The following DZANK1 variants were observed in gnomAD, a reference collection of about 807,000 sequenced individuals.
DZANK1 encodes double zinc ribbon and ankyrin repeat domains 1.
In DZANK1, 91 loss-of-function variants were observed where a neutral mutation model predicts 94.5. That is an observed-to-expected ratio of 0.96 (90% confidence interval 0.81 to 1.15). DZANK1 has a LOEUF of 1.15. Ranked by LOEUF, DZANK1 falls within the 50% of genes most tolerant of loss-of-function variation. DZANK1 has a pLI of 0.00. For synonymous variants in DZANK1, 312 were observed against 325.3 expected (o/e 0.96, Z 0.44); for missense variants, 903 against 916.4 (o/e 0.99, Z 0.19).
chr20:18,426,741 G>C (rs2058061762), intron 10 of DZANK1, among the ~76,000 whole-genome samples: 1 of 152,170 alleles, frequency 6.6e-6, no homozygotes, highest in Non-Finnish European at 1.5e-5. Context: ...GGAAGGTGGA[G>C]GGGATGACAA....
In DZANK1 at chr20:18,410,951, AAAAG is replaced by A. The variant is rs775048363; in HGVS notation, c.1432+1691_1432+1694del. ...GGGTGACAAAGTGAGATCCTATCTCAAAAGAAAGAAAGAAAGAAAATGAAGGTAC... is the reference window on the plus strand; with the variant it reads ...GGGTGACAAAGTGAGATCCTATCTCAAAAGAAAGAAAGAAAATGAAGGTAC... On this transcript the variant is annotated intron_variant, in intron 13 of 20. Coordinates refer to ENST00000262547, the Ensembl canonical transcript of DZANK1. Among the ~76,000 whole-genome samples, 6 of 152,156 alleles carry A rather than the reference AAAAG, an allele frequency of 3.9e-5. No homozygotes were observed. In the South Asian group the frequency reaches 1.0e-3, roughly 26 times the overall value.
At position 18,452,662 on chromosome 20, in the gene DZANK1, C is replaced by G. The variant is rs774909060; in HGVS notation, c.496G>C (p.Ala166Pro). 14 of 1,606,226 alleles carry G rather than the reference C, an allele frequency of 8.7e-6. No homozygotes were observed. In the Admixed American group the frequency reaches 2.4e-4, roughly 27 times the overall value. Residue 166 changes from alanine (A) to proline (P), a missense_variant, in exon 6 of 21, where the codon GCT becomes CCT. By Grantham distance (27) the Ala-to-Pro change is conservative (BLOSUM62 -1). Transcript: ENST00000262547. ...CTAGAACCTGATCCTCCACCATAAG[C>G]TGGGATTTCCAATGGACTCTCTGAA... is the stretch of plus-strand genomic sequence containing the variant.
intron 14 of DZANK1, among the ~76,000 whole-genome samples, chr20:18,397,733 G>A (rs1323742670): frequency 2.0e-5 from 3 of 152,144 alleles, no homozygotes; most frequent in African/African-American, 7.2e-5. Context: ...TCTGGGGGCG[G>A]GAATCATCTA....
At chr20:18,458,223 A>T (rs974631850) in intron 3 of DZANK1, among the ~76,000 whole-genome samples, 2 of 152,208 alleles carry the variant, frequency 1.3e-5, no homozygotes, top group African/African-American at 4.8e-5. Flanking sequence ...TATATTTCTT[A>T]AAATTTTTGA....
intron 8 of DZANK1, among the ~76,000 whole-genome samples, chr20:18,434,158 G>A (rs976090127): frequency 2.0e-5 from 3 of 151,376 alleles, no homozygotes; most frequent in African/African-American, 7.3e-5. Context: ...CATGTTCATT[G>A]TAGAAAAGAG....
intron 9 of DZANK1, 52 bp downstream of exon 9, chr20:18,433,600 C>A: frequency 6.5e-7 from 1 of 1,540,688 alleles, no homozygotes; most frequent in South Asian, 1.1e-5. Context: ...TATACCTGTT[C>A]AAACATTACT....
chr20:18,435,366 C>A (rs891738735), intron 8 of DZANK1, among the ~76,000 whole-genome samples: 1 of 152,146 alleles, frequency 6.6e-6, no homozygotes, highest in Non-Finnish European at 1.5e-5. Context: ...CAATGATAGA[C>A]TGGATAAAGA....
At chr20:18,426,401 T>A (rs2058045967) in intron 10 of DZANK1, among the ~76,000 whole-genome samples, 1 of 152,072 alleles carries the variant, frequency 6.6e-6, no homozygotes. Flanking sequence ...ATTGTCCAGT[T>A]TCATGAGGAA....
chr20:18,433,374 T>C, intron 9 of DZANK1: 1 of 344,250 alleles, frequency 2.9e-6, no homozygotes, highest in East Asian at 7.9e-5. Context: ...AAACCCCATG[T>C]CTACTAAAAA....
At chr20:18,387,975 G>A (rs2048609417) in intron 19 of DZANK1, among the ~76,000 whole-genome samples, 1 of 152,182 alleles carries the variant, frequency 6.6e-6, no homozygotes. Flanking sequence ...TAGGATGGAT[G>A]GAACTTTGAG....
intron 10 of DZANK1, 35 bp from the exon 11 acceptor site, chr20:18,415,484 G>C: frequency 1.5e-6 from 2 of 1,372,848 alleles, no homozygotes; most frequent in Non-Finnish European, 1.9e-6. Flanking sequence ...GGCAGGATCA[G>C]TACTATATTC....
At chr20:18,414,987 C>T (rs560903857) in intron 11 of DZANK1, among the ~76,000 whole-genome samples, 1 of 152,294 alleles carries the variant, frequency 6.6e-6, no homozygotes, top group South Asian at 2.1e-4. Context: ...ACCCTTCACT[C>T]TAAAACTTTT....
intron 7 of DZANK1, among the ~76,000 whole-genome samples, chr20:18,443,729 AT>A (rs2058786573): frequency 1.3e-5 from 2 of 152,202 alleles, no homozygotes; most frequent in South Asian, 4.1e-4. Flanking sequence ...CAAGAAGTTT[AT>A]CAGCAGCCTT....
chr20:18,456,817 G>T (rs2059309676), intron 3 of DZANK1, among the ~76,000 whole-genome samples: 1 of 152,036 alleles, frequency 6.6e-6, no homozygotes. Flanking sequence ...CCAGCTGATG[G>T]TCATTTGGAT....
chr20:18,453,986 C>A (rs547248650), intron 4 of DZANK1, 159 bp from the exon 5 acceptor site: 4 of 740,060 alleles, frequency 5.4e-6, no homozygotes, highest in Admixed American at 3.5e-5. Flanking sequence ...TGGAAACATG[C>A]AGCTTTGTAT....
chr20:18,456,119 T>C (rs2059277086), intron 3 of DZANK1, among the ~76,000 whole-genome samples: 1 of 152,214 alleles, frequency 6.6e-6, no homozygotes. Flanking sequence ...TATCAGACCA[T>C]AAGCCTCAAA....
chr20:18,406,070 C>A (rs2056946686), intron 13 of DZANK1, among the ~76,000 whole-genome samples: 1 of 152,256 alleles, frequency 6.6e-6, no homozygotes. Flanking sequence ...AGCCTCGCCA[C>A]TGGTGGCCGA....
chr20:18,446,250 GAAGA>G (rs2058877473), intron 7 of DZANK1, among the ~76,000 whole-genome samples: 1 of 151,726 alleles, frequency 6.6e-6, no homozygotes, highest in Admixed American at 6.6e-5. Flanking sequence ...AAGAAAGAAA[GAAGA>G]AAGGACGAAA....
intron 20 of DZANK1, among the ~76,000 whole-genome samples, 165 bp downstream of exon 20, chr20:18,384,851 T>C (rs2048385672): frequency 6.6e-6 from 1 of 152,206 alleles, no homozygotes; most frequent in Non-Finnish European, 1.5e-5. Context: ...AACATTTTCA[T>C]TGCGCTTTGA....
Sources: allele counts gnomAD v4.1 joint callset (sites outside exome capture counted in the v4.1 genomes callset), GRCh38; gene constraint gnomAD v4.1.1; transcripts MANE v1.5; gene names NCBI Gene and HGNC (gene_info 2026-07-23, HGNC 2026-07-21).